CROCC2: variants seen among roughly 807,000 people sequenced by gnomAD.
The protein encoded by CROCC2 is ciliary rootlet coiled-coil protein 2.
Under a neutral mutation model 177.6 loss-of-function variants are expected in CROCC2, and 163 were observed. That is an observed-to-expected ratio of 0.92 (90% CI 0.81 to 1.05). The LOEUF (loss-of-function observed/expected upper bound fraction) is 1.05. Ranked by LOEUF, CROCC2 falls within the 50% of genes least tolerant of loss-of-function variation. The pLI, the probability that CROCC2 is intolerant of heterozygous loss-of-function variation, is 0.00. For missense variants in CROCC2, 1,929 were observed against 1,797.8 expected (o/e 1.07, Z -1.32); for synonymous variants, 904 against 787.3 (o/e 1.15, Z -2.48).
intron 14 of CROCC2, among the ~76,000 whole-genome samples, chr2:240,939,294 A>G (rs2059484582): frequency 6.6e-6 from 1 of 152,182 alleles, no homozygotes; most frequent in African/African-American, 2.4e-5. Flanking sequence ...TTGTTAATGT[A>G]GTGAATTACA....
intron 7 of CROCC2, among the ~76,000 whole-genome samples, chr2:240,931,521 G>A (rs1160534805): frequency 6.6e-6 from 1 of 152,204 alleles, no homozygotes; most frequent in Admixed American, 6.5e-5. Flanking sequence ...CCTCCTGCCC[G>A]ATATGAAGGA....
At chr2:240,983,103 T>G in intron 28 of CROCC2, 74 bp downstream of exon 28, 1 of 1,411,356 alleles carries the variant, frequency 7.1e-7, no homozygotes, top group Non-Finnish European at 9.6e-7. Flanking sequence ...AGAGGCCCTG[T>G]GGTCCTTTGC....
In CROCC2 at chr2:240,950,455, G is replaced by A; in HGVS notation, c.2774G>A (p.Ser925Asn). ...GAGGCTCTGAAGGGGGAAATTCAGA[G>A]CCTGAAGCAGGAGCGGGACGAGAGC... ...EREALKGEIQ[S>N]LKQERDESLL... Residue 925 changes from serine (S) to asparagine (N), a missense_variant, in exon 18 of 32, where the codon AGC becomes AAC. Ser to Asn is a conservative substitution (Grantham distance 46). Transcript: ENST00000690015. 5.8e-6 allele frequency: 9 copies of A among 1,550,234 alleles called. No individual in the cohort carries two copies. The highest frequency in any genetic ancestry group is 7.8e-6 in the Non-Finnish European group (9 of 1,146,812).
In CROCC2 at chr2:240,963,764, A is replaced by G. The variant is rs1559607560; in HGVS notation, c.3296A>G (p.Glu1099Gly). Residue 1099 changes from glutamate (E) to glycine (G), a missense_variant, in exon 21 of 32, where the codon GAG (glutamate) becomes GGG (glycine). By Grantham distance (98) the Glu-to-Gly change is moderately conservative. Transcript: ENST00000690015. ...LRATICRAEQ[E>G]KASFKRSKEE... ...GCCACCATCTGCAGGGCCGAACAGGAGAAGGCCAGGTATGGCGGCCACCCA... is the reference window on the plus strand; with the variant it reads ...GCCACCATCTGCAGGGCCGAACAGGGGAAGGCCAGGTATGGCGGCCACCCA... 1 of 1,549,132 alleles carries G rather than the reference A, an allele frequency of 6.5e-7. No homozygotes were observed. The highest frequency in any genetic ancestry group is 1.4e-5 in the African/African-American group (1 of 73,148).
Position 240,932,807 on chromosome 2 carries a change from C to T in CROCC2, c.1150C>T (p.His384Tyr), listed in dbSNP as rs547603044. The T allele has an allele frequency of 7.3e-6, 11 of 1,516,860 alleles. No homozygotes were observed. The Middle Eastern group carries it at 5.1e-4, about 71-fold the overall frequency. The allele number at this position is 1,516,860 out of a possible 1,614,324, so 94.0% of individuals were successfully genotyped here. Reference protein sequence around the residue: ...LRSPQRATSPHQGASPPHICS... With the variant: ...LRSPQRATSPYQGASPPHICS... Reference sequence around the variant, plus strand: ...GAGCCCCCAACGTGCCACATCCCCCCATCAAGGGGCGTCCCCACCACACAT... The same window carrying T: ...GAGCCCCCAACGTGCCACATCCCCCTATCAAGGGGCGTCCCCACCACACAT... Residue 384 changes from histidine (H) to tyrosine (Y), a missense_variant, in exon 9 of 32, where the codon CAT becomes TAT. Around this residue, in one of 3 missense-constraint regions of CROCC2, gnomAD observed 1,397 missense variants for 1,239.9 expected, o/e 1.13. Transcript: ENST00000690015.
At chr2:240,928,587 G>A (rs1005197250) in intron 5 of CROCC2, among the ~76,000 whole-genome samples, 3 of 152,314 alleles carry the variant, frequency 2.0e-5, no homozygotes, top group South Asian at 2.1e-4. Flanking sequence ...GAGTTTAAGC[G>A]GCAGGTTAAT....
chr2:240,967,175 C>T (rs1371199427), intron 25 of CROCC2, among the ~76,000 whole-genome samples, 170 bp from the exon 26 acceptor site: 5 of 152,108 alleles, frequency 3.3e-5, no homozygotes, highest in Non-Finnish European at 7.4e-5. Context: ...AGTGTGATCA[C>T]CTTCCCCGCA....
In CROCC2 at chr2:240,918,486, G is replaced by C. The variant is rs1424162619; in HGVS notation, c.79-240G>C. On this transcript the variant is annotated intron_variant, in intron 1 of 31. Transcript: ENST00000690015. The surrounding 1 kb of genome is among the most constrained non-coding windows in gnomAD (Gnocchi z 6.3). ...AGCCCCAAGCGCAGTACCTGCTCCT[G>C]CTGACCTCGGCTGGGTGTGGTCCTC... 6.6e-6 allele frequency among the ~76,000 whole-genome samples: 1 copy of C among 152,168 alleles called. No homozygotes were observed. Among genetic ancestry groups the C allele is most frequent in the East Asian group, 1.9e-4 (1 of 5,176 alleles).
rs1032604674 is a variant in CROCC2, at chr2:240,957,898, G to T, written c.2944-1403G>T. On this transcript the variant is annotated intron_variant, in intron 19 of 31. Coordinates refer to ENST00000690015, the MANE Select transcript of CROCC2 (RefSeq NM_001351305.2). The stretch of plus-strand genomic sequence containing the variant: ...CCAGCAGCTCTCTTGGCTCCACCCC[G>T]TGGGCAGGGACCCAGGAAAGCCCTC... 3.5e-6 allele frequency: 3 copies of T among 860,972 alleles called. No individual in the cohort carries two copies. In the African/African-American group the frequency reaches 5.5e-5, roughly 16 times the overall value. The allele number at this position is 860,972 out of a possible 1,614,324, so 53.3% of individuals were successfully genotyped here.
intron 7 of CROCC2, 26 bp from the exon 8 acceptor site, chr2:240,932,292 C>T (rs1283677509): frequency 1.4e-6 from 1 of 703,364 alleles, no homozygotes. Flanking sequence ...CTGCCCTTCA[C>T]CCCCACACCC....
At chr2:240,957,861 C>A in intron 19 of CROCC2, 1 of 553,200 alleles carries the variant, frequency 1.8e-6, no homozygotes, top group Non-Finnish European at 2.3e-6. Flanking sequence ...CTCCCTCCTC[C>A]CGACCACTGG....
chr2:240,972,597 C>T lies in CROCC2; in HGVS notation c.4401+4335C>T, dbSNP rs576746882. ...GGGTCTCCACAATGAGTGCAGAGGA[C>T]GTCTCTGACATTGACCAGACCTTTG... On this transcript the variant is annotated intron_variant, in intron 27 of 31. Transcript: ENST00000690015. The surrounding 1 kb of genome is among the most constrained non-coding windows in gnomAD (Gnocchi z 7.1). 4.6e-5 allele frequency among the ~76,000 whole-genome samples: 7 copies of T among 151,988 alleles called. No individual in the cohort carries two copies. Among genetic ancestry groups the T allele is most frequent in the South Asian group, 2.1e-4 (1 of 4,818 alleles).
In CROCC2 at chr2:240,953,002, C is replaced by T. The variant is rs558648132; in HGVS notation, c.2829+2492C>T. On this transcript the variant is annotated intron_variant, in intron 18 of 31. Transcript: ENST00000690015. The surrounding 1 kb of genome is among the most constrained non-coding windows in gnomAD (Gnocchi z 4.0). The stretch of plus-strand genomic sequence containing the variant: ...AGTGGGTGGCCCGTCAAGGCCCCCA[C>T]GCAGCCCCTCATTCCCATCCGAGAC... Among the ~76,000 whole-genome samples, 1 of 152,284 alleles carries T rather than the reference C, an allele frequency of 6.6e-6. No homozygotes were observed. The highest frequency in any genetic ancestry group is 2.1e-4 in the South Asian group (1 of 4,820).
Position 240,987,243 on chromosome 2 carries a change from G to A in CROCC2, c.4552-1496G>A, listed in dbSNP as rs536951919. Among the ~76,000 whole-genome samples, 76 of 152,246 alleles carry A rather than the reference G, an allele frequency of 5.0e-4. 1 individual carries two copies. Among genetic ancestry groups the A allele is most frequent in the Admixed American group, 9.2e-4 (14 of 15,292 alleles). On this transcript the variant is annotated intron_variant, in intron 28 of 31. Coordinates refer to ENST00000690015, the MANE Select transcript of CROCC2 (RefSeq NM_001351305.2). ...CAGCTGTGGGCACAGTGCCCACCGTGAGTCCCTGGAGCCTGAGGAGGGGGA... is the reference window on the plus strand; with the variant it reads ...CAGCTGTGGGCACAGTGCCCACCGTAAGTCCCTGGAGCCTGAGGAGGGGGA...
At position 240,934,443 on chromosome 2, in the gene CROCC2, G is replaced by A. The variant is rs570134598; in HGVS notation, c.1759G>A (p.Glu587Lys). ...AQLQRDVVES[E>K]REGLRSALAR... ...GCTGCAGCGGGATGTCGTGGAGAGT[G>A]AGAGGGAGGGACTGCGCAGCGCCCT... Residue 587 changes from glutamate to lysine, a missense_variant, in exon 12 of 32, where the codon GAG becomes AAG. Glu to Lys is a moderately conservative substitution (Grantham distance 56). Transcript: ENST00000690015. 18 of 1,548,438 alleles carry A rather than the reference G, an allele frequency of 1.2e-5. No individual in the cohort carries two copies. The Admixed American group carries it at 2.7e-4, about 24-fold the overall frequency.
chr2:240,961,502 G>A (rs888793248), intron 20 of CROCC2, among the ~76,000 whole-genome samples: 15 of 143,204 alleles, frequency 1.0e-4, no homozygotes, highest in African/African-American at 3.7e-4. Context: ...ATGCACACAC[G>A]TATGCACACC....
intron 1 of CROCC2, among the ~76,000 whole-genome samples, chr2:240,914,110 C>T (rs1475064849): frequency 6.6e-6 from 1 of 152,230 alleles, no homozygotes; most frequent in Non-Finnish European, 1.5e-5. Flanking sequence ...GCCCTTTGCT[C>T]AGGCTGGGAA....
chr2:240,982,820 C>A lies in CROCC2; in HGVS notation c.4402-60C>A. On this transcript the variant is annotated intron_variant, in intron 27 of 31. Transcript: ENST00000690015. The surrounding 1 kb of genome is among the most constrained non-coding windows in gnomAD (Gnocchi z 4.7). Reference sequence around the variant, plus strand: ...GGCAGATGCCCTGAGGCCAGGGTTTCCCTGCAGGGCCTCCCACCCCCAGTG... The same window carrying A: ...GGCAGATGCCCTGAGGCCAGGGTTTACCTGCAGGGCCTCCCACCCCCAGTG... 1 of 1,467,844 alleles carries A rather than the reference C, an allele frequency of 6.8e-7. No individual in the cohort carries two copies. The highest frequency in any genetic ancestry group is 9.2e-7 in the Non-Finnish European group (1 of 1,089,898). 90.9% of individuals were successfully genotyped at this position (1,467,844 alleles called of 1,614,324 possible).
At chr2:240,940,346 ACT>A (rs552462718) in intron 14 of CROCC2, among the ~76,000 whole-genome samples, 1 of 151,948 alleles carries the variant, frequency 6.6e-6, no homozygotes, top group East Asian at 1.9e-4. Context: ...CTCTAGCAAT[ACT>A]CTTTTTTGAT....
Sources: gnomAD v4.1 joint callset for allele counts (sites outside exome capture counted in the v4.1 genomes callset) on GRCh38, gnomAD v4.1.1 for gene constraint, gnomAD v4.1.1 regional missense constraint, Gnocchi (gnomAD v3.1) non-coding constraint, MANE v1.5 for transcripts, NCBI Gene and HGNC (gene_info 2026-07-23, HGNC 2026-07-21) for gene names.